The following WDR89 variants were observed in gnomAD, a reference collection of about 807,000 sequenced individuals.
WDR89 encodes the protein WD repeat domain 89.
In WDR89, 17 loss-of-function variants were observed where a neutral mutation model predicts 29.1. That is an observed-to-expected ratio of 0.58 (90% CI 0.40 to 0.88). The LOEUF (loss-of-function observed/expected upper bound fraction) is 0.88, where lower values mean the gene tolerates loss of function less well. WDR89 is among the 40% of genes least tolerant of loss of function. The probability of loss-of-function intolerance (pLI) is 0.00; values close to 1 mark genes in which losing one functional copy is unlikely to be tolerated. For synonymous variants in WDR89, 138 were observed against 157.8 expected, an observed-to-expected ratio of 0.87 and a Z score of 0.94; for missense variants, 396 against 456.3, an observed-to-expected ratio of 0.87 and a Z score of 1.20.
At chr14:63,628,171 G>A (rs1268269983) in intron 1 of WDR89, among the ~76,000 whole-genome samples, 1 of 152,154 alleles carries the variant, frequency 6.6e-6, no homozygotes, top group African/African-American at 2.4e-5. Flanking sequence ...CTGGGAGGTC[G>A]AGGCTATGCG....
intron 2 of WDR89, among the ~76,000 whole-genome samples, chr14:63,603,847 C>T (rs1895192215): frequency 6.6e-6 from 1 of 152,194 alleles, no homozygotes; most frequent in South Asian, 2.1e-4. Flanking sequence ...TAGTCACCTC[C>T]ACAGCTGCTG....
At chr14:63,601,788 G>A (rs1895077366) in intron 2 of WDR89, 1 of 1,206,482 alleles carries the variant, frequency 8.3e-7, no homozygotes, top group Non-Finnish European at 1.2e-6. Context: ...TAGAGATGGT[G>A]ACGTTCTTGG....
Position 63,620,004 on chromosome 14 carries a change from C to CAA in WDR89, c.-32+4922_-32+4923dup, listed in dbSNP as rs71120271. Among the ~76,000 whole-genome samples, 141 of 72,228 alleles carry CAA rather than the reference C, an allele frequency of 2.0e-3. 2 individuals are homozygous for CAA. Among genetic ancestry groups the CAA allele is most frequent in the Middle Eastern group, 8.6e-3 (1 of 116 alleles). 47.4% of individuals were successfully genotyped at this position (72,228 alleles called of 152,430 possible). A position where few individuals can be genotyped will look rare whatever the true frequency, so the allele number is the denominator to read the frequency against. ...TGGGTGACAGAGCGAGACTCCATCTCAAAAAAAAAAAAAAAAAAAAGAAAA... is the reference window on the plus strand; with the variant it reads ...TGGGTGACAGAGCGAGACTCCATCTCAAAAAAAAAAAAAAAAAAAAAAGAAAA... On this transcript the variant is annotated intron_variant, in intron 2 of 2. Coordinates refer to ENST00000620954, the MANE Select transcript of WDR89 (RefSeq NM_080666.4).
At chr14:63,619,623 C>T (rs901180804) in intron 2 of WDR89, among the ~76,000 whole-genome samples, 1 of 151,930 alleles carries the variant, frequency 6.6e-6, no homozygotes, top group African/African-American at 2.4e-5. Context: ...TTTAAGCACC[C>T]CTCAAAACAG....
chr14:63,639,984 A>G (rs1883998162), intron 1 of WDR89, among the ~76,000 whole-genome samples: 1 of 152,226 alleles, frequency 6.6e-6, no homozygotes, highest in African/African-American at 2.4e-5. Flanking sequence ...TTACAAAGTG[A>G]GAGAAAAGAA....
intron 1 of WDR89, among the ~76,000 whole-genome samples, chr14:63,635,869 C>A (rs566884889): frequency 3.3e-5 from 5 of 152,296 alleles, no homozygotes; most frequent in African/African-American, 1.2e-4. Context: ...GAACTCAACC[C>A]CTTTTACAAT....
In WDR89 at chr14:63,599,666, T is replaced by C; in HGVS notation, c.277A>G (p.Thr93Ala). ...ACTCGAGCATCCCAGCATTTCACAG[T>C]GCCATCAGTACATGCTGAATATACA... is the stretch of plus-strand genomic sequence containing the variant. Reference protein sequence around the residue: ...DSVYSACTDGTVKCWDARVAR... With the variant: ...DSVYSACTDGAVKCWDARVAR... Residue 93 changes from threonine (T) to alanine (A), a missense_variant, in exon 3 of 3, where the codon ACT becomes GCT. By Grantham distance (58) the Thr-to-Ala change is moderately conservative. Coordinates refer to ENST00000620954, the MANE Select transcript of WDR89 (RefSeq NM_080666.4). 6.2e-7 allele frequency: 1 copy of C among 1,614,216 alleles called. No homozygotes were observed. Among genetic ancestry groups the C allele is most frequent in the South Asian group, 1.1e-5 (1 of 91,086 alleles).
intron 2 of WDR89, among the ~76,000 whole-genome samples, chr14:63,615,483 A>C (rs1243383315): frequency 6.6e-6 from 1 of 152,268 alleles, no homozygotes; most frequent in Non-Finnish European, 1.5e-5. Context: ...AAAAATGAGG[A>C]AAAACAAAAA....
At chr14:63,639,775 G>C (rs868813047) in intron 1 of WDR89, among the ~76,000 whole-genome samples, 10 of 152,334 alleles carry the variant, frequency 6.6e-5, no homozygotes, top group African/African-American at 1.2e-4. Context: ...GCAGCTCATA[G>C]TGTCAGTTGC....
At chr14:63,635,822 T>C (rs1388039962) in intron 1 of WDR89, among the ~76,000 whole-genome samples, 1 of 152,232 alleles carries the variant, frequency 6.6e-6, no homozygotes, top group Non-Finnish European at 1.5e-5. Flanking sequence ...GTAGCTCTTC[T>C]ATACATCAAC....
chr14:63,606,041 C>T (rs182964275), intron 2 of WDR89, among the ~76,000 whole-genome samples: 1 of 151,880 alleles, frequency 6.6e-6, no homozygotes, highest in East Asian at 1.9e-4. Context: ...CTTGTTCCAT[C>T]ACTCAGCAAA....
chr14:63,598,820 C>T lies in WDR89; in HGVS notation c.1123G>A (p.Val375Ile). 6.2e-7 allele frequency: 1 copy of T among 1,608,134 alleles called. No individual in the cohort carries two copies. The highest frequency in any genetic ancestry group is 8.5e-7 in the Non-Finnish European group (1 of 1,177,584). ...IASSVHQRVR[V>I]HSNDSYKRRK... ...CTTTTATAAGAATCATTACTATGAA[C>T]TCGTACTCGTTGGTGCACAGAGGAT... Residue 375 changes from valine to isoleucine, a missense_variant, in exon 3 of 3, where the codon GTT becomes ATT. Transcript: ENST00000620954.
chr14:63,608,554 G>A (rs1881739680), intron 2 of WDR89, among the ~76,000 whole-genome samples: 1 of 151,964 alleles, frequency 6.6e-6, no homozygotes, highest in Non-Finnish European at 1.5e-5. Context: ...GTCCCAGGAG[G>A]CAATGTTACT....
intron 1 of WDR89, among the ~76,000 whole-genome samples, chr14:63,633,624 T>C (rs1883543973): frequency 6.6e-6 from 1 of 152,226 alleles, no homozygotes; most frequent in African/African-American, 2.4e-5. Context: ...TGTAAATATT[T>C]ATAGCTTGTA....
In WDR89 at chr14:63,633,172, T is replaced by C. The variant is rs117729878; in HGVS notation, c.-137-8139A>G. Reference sequence around the variant, plus strand: ...AAGAAATGCAATATGTAATGTCAAATGATAACCTGCAGAATAAACTAGTAT... The same window carrying C: ...AAGAAATGCAATATGTAATGTCAAACGATAACCTGCAGAATAAACTAGTAT... On this transcript the variant is annotated intron_variant, in intron 1 of 2. Transcript: ENST00000620954. Among the ~76,000 whole-genome samples the C allele has an allele frequency of 5.6e-4, 85 of 152,170 alleles. 1 individual carries two copies. In the East Asian group the frequency reaches 0.011, roughly 20 times the overall value.
chr14:63,598,999 C>A lies in WDR89; in HGVS notation c.944G>T (p.Ser315Ile). Residue 315 changes from serine to isoleucine, a missense_variant, in exon 3 of 3, where the codon AGC (serine) becomes ATC (isoleucine). Physicochemically the swap from Ser to Ile is moderately radical, Grantham distance 142. Transcript: ENST00000620954. ...CSMSGLTHVTSLQGGHAATVR... is the reference protein window; with the variant it reads ...CSMSGLTHVTILQGGHAATVR... ...TGTAGCAGCATGCCCTCCCTGAAGG[C>A]TAGTCACATGGGTCAGTCCTGACAT... 1 of 1,614,204 alleles carries A rather than the reference C, an allele frequency of 6.2e-7. No homozygotes were observed. The highest frequency in any genetic ancestry group is 8.5e-7 in the Non-Finnish European group (1 of 1,180,028).
intron 2 of WDR89, among the ~76,000 whole-genome samples, chr14:63,605,659 C>T (rs541613525): frequency 6.6e-6 from 1 of 152,096 alleles, no homozygotes; most frequent in African/African-American, 2.4e-5. Context: ...AGGGTTTCAC[C>T]ACGTTGGCCA....
At chr14:63,607,009 G>C (rs1485098051) in intron 2 of WDR89, among the ~76,000 whole-genome samples, 1 of 152,176 alleles carries the variant, frequency 6.6e-6, no homozygotes, top group Non-Finnish European at 1.5e-5. Context: ...CCAGGGATAT[G>C]CCCATGAGGC....
chr14:63,616,645 A>C lies in WDR89; in HGVS notation c.-32+8283T>G, dbSNP rs370770371. On this transcript the variant is annotated intron_variant, in intron 2 of 2. Coordinates refer to ENST00000620954, the MANE Select transcript of WDR89 (RefSeq NM_080666.4). Reference sequence around the variant, plus strand: ...AAACAACAAGTAGGCCAGTGCAGCTAAAGTCAGAGAAAGAAAGAAGGGTGT... The same window carrying C: ...AAACAACAAGTAGGCCAGTGCAGCTCAAGTCAGAGAAAGAAAGAAGGGTGT... Among the ~76,000 whole-genome samples, 145 of 152,340 alleles carry C rather than the reference A, an allele frequency of 9.5e-4. 1 individual carries two copies. Among genetic ancestry groups the C allele is most frequent in the African/African-American group, 3.4e-3 (140 of 41,578 alleles).
Sources: gnomAD v4.1 joint callset for allele counts (sites outside exome capture counted in the v4.1 genomes callset) on GRCh38, gnomAD v4.1.1 for gene constraint, MANE v1.5 for transcripts, NCBI Gene and HGNC (gene_info 2026-07-23, HGNC 2026-07-21) for gene names.